Variants in OXR1 observed in about 807,000 individuals in gnomAD.
The protein encoded by OXR1 is oxidation resistance protein 1.
OXR1 carries 41 observed loss-of-function variants against 104.6 expected under a neutral mutation model. The ratio of observed to expected loss-of-function variants is 0.39; its 90% CI spans 0.31 to 0.51. The LOEUF (loss-of-function observed/expected upper bound fraction) is 0.51. Ranked by LOEUF, OXR1 falls within the 20% of genes least tolerant of loss-of-function variation. The probability of loss-of-function intolerance (pLI) is 0.77; values close to 1 mark genes in which losing one functional copy is unlikely to be tolerated. For synonymous variants in OXR1, 348 were observed against 348.4 expected, an observed-to-expected ratio of 1.00 and a Z score of 0.01; for missense variants, 955 against 1,031.9, an observed-to-expected ratio of 0.93 and a Z score of 1.02.
chr8:106,672,834 C>G (rs1827184471), intron 3 of OXR1, among the ~76,000 whole-genome samples: 2 of 152,168 alleles, frequency 1.3e-5, no homozygotes, highest in South Asian at 4.1e-4. Flanking sequence ...TATTCTCCCT[C>G]CTGCCACCTT....
intron 2 of OXR1, among the ~76,000 whole-genome samples, chr8:106,386,651 A>G (rs537693926): frequency 6.6e-6 from 1 of 152,224 alleles, no homozygotes; most frequent in East Asian, 1.9e-4. Context: ...CCCTAAGTCA[A>G]GGGGAAAATG....
At chr8:106,430,052 G>A (rs1819297465) in intron 2 of OXR1, among the ~76,000 whole-genome samples, 1 of 152,056 alleles carries the variant, frequency 6.6e-6, no homozygotes, top group Admixed American at 6.6e-5. Flanking sequence ...TCTGTGTGTT[G>A]TGTGTAGAAC....
chr8:106,499,422 T>A (rs567060936), intron 2 of OXR1, among the ~76,000 whole-genome samples: 2 of 152,200 alleles, frequency 1.3e-5, no homozygotes, highest in Non-Finnish European at 2.9e-5. Flanking sequence ...CCTTCCTCTT[T>A]GTAACCCAAA....
intron 2 of OXR1, among the ~76,000 whole-genome samples, chr8:106,427,131 A>G (rs1819162044): frequency 1.3e-5 from 2 of 152,102 alleles, no homozygotes; most frequent in African/African-American, 2.4e-5. Flanking sequence ...GCAGTTGTGA[A>G]TGATATGGGT....
intron 3 of OXR1, among the ~76,000 whole-genome samples, chr8:106,589,849 T>G (rs1164797313): frequency 6.6e-6 from 1 of 152,136 alleles, no homozygotes; most frequent in Non-Finnish European, 1.5e-5. Flanking sequence ...CTATTTTTAG[T>G]AGAGTCGGCA....
chr8:106,309,741 T>G (rs189483350), intron 1 of OXR1, among the ~76,000 whole-genome samples: 1 of 151,036 alleles, frequency 6.6e-6, no homozygotes, highest in African/African-American at 2.4e-5. Flanking sequence ...ATAGCTTTGC[T>G]GCTTTAAATC....
chr8:106,402,128 C>T (rs1818027674), intron 2 of OXR1, among the ~76,000 whole-genome samples: 2 of 152,166 alleles, frequency 1.3e-5, no homozygotes, highest in South Asian at 4.1e-4. Context: ...GGCACAACAG[C>T]TGCAATTGGA....
At chr8:106,468,395 A>G (rs1302001043) in intron 2 of OXR1, among the ~76,000 whole-genome samples, 3 of 151,856 alleles carry the variant, frequency 2.0e-5, no homozygotes, top group Non-Finnish European at 2.9e-5. Flanking sequence ...AGATAGCTAT[A>G]CATATACTAC....
At chr8:106,281,053 C>A (rs1812259103) in intron 1 of OXR1, among the ~76,000 whole-genome samples, 1 of 152,114 alleles carries the variant, frequency 6.6e-6, no homozygotes, top group Non-Finnish European at 1.5e-5. Context: ...CCAGATTTTT[C>A]TCTCATGTGA....
At chr8:106,526,919 AT>A (rs1586761649) in intron 3 of OXR1, among the ~76,000 whole-genome samples, 1 of 152,052 alleles carries the variant, frequency 6.6e-6, no homozygotes, top group East Asian at 1.9e-4. Flanking sequence ...AAAGATCCTA[AT>A]TTTTTTGATC....
intron 1 of OXR1, among the ~76,000 whole-genome samples, chr8:106,283,659 C>G (rs1812377866): frequency 6.6e-6 from 1 of 152,156 alleles, no homozygotes; most frequent in South Asian, 2.1e-4. Flanking sequence ...GAATTGCTTC[C>G]TCATGAGTCG....
At chr8:106,745,098 TA>T (rs553601991) in intron 15 of OXR1, among the ~76,000 whole-genome samples, 1 of 152,144 alleles carries the variant, frequency 6.6e-6, no homozygotes, top group South Asian at 2.1e-4. Context: ...AAACGAGTGC[TA>T]AAAGAAAGTT....
At chr8:106,425,083 G>GTTTTTT (rs748444311) in intron 2 of OXR1, among the ~76,000 whole-genome samples, 4 of 83,660 alleles carry the variant, frequency 4.8e-5, no homozygotes, top group East Asian at 3.9e-4. Context: ...GTTTGGTTTG[G>GTTTTTT]TTTTTTTTTT....
Position 106,663,811 on chromosome 8 carries a change from C to A in OXR1, c.221-15399C>A, listed in dbSNP as rs552353877. Among the ~76,000 whole-genome samples the A allele has an allele frequency of 2.0e-5, 3 of 152,316 alleles. No individual in the cohort carries two copies. The South Asian group carries it at 6.2e-4, about 32-fold the overall frequency. On this transcript the variant is annotated intron_variant, in intron 3 of 16. Coordinates refer to ENST00000517566, the MANE Select transcript of OXR1 (RefSeq NM_001198533.2). ...TTCATTGAGAAGCCATCTCTCTCCC[C>A]ATCCCCCACCCCTTGCCCACATGTC...
At chr8:106,548,692 C>T (rs1342737830) in intron 3 of OXR1, among the ~76,000 whole-genome samples, 1 of 152,070 alleles carries the variant, frequency 6.6e-6, no homozygotes, top group Non-Finnish European at 1.5e-5. Context: ...TTTAGGAACT[C>T]GATGAAGTAG....
At chr8:106,584,685 A>G (rs1818500002) in intron 3 of OXR1, among the ~76,000 whole-genome samples, 4 of 152,166 alleles carry the variant, frequency 2.6e-5, no homozygotes, top group Admixed American at 2.6e-4. Context: ...AGCCATTTTC[A>G]TATATGCACA....
At chr8:106,399,905 T>A (rs576027839) in intron 2 of OXR1, among the ~76,000 whole-genome samples, 1 of 152,296 alleles carries the variant, frequency 6.6e-6, no homozygotes, top group South Asian at 2.1e-4. Context: ...GTAGAAAATC[T>A]CAGTGCATTT....
intron 2 of OXR1, among the ~76,000 whole-genome samples, chr8:106,430,728 A>T (rs1311473671): frequency 1.3e-5 from 2 of 152,118 alleles, no homozygotes; most frequent in Non-Finnish European, 2.9e-5. Context: ...GATTTCAAGG[A>T]TTTCCTGGCC....
At chr8:106,653,578 G>T (rs1824802907) in intron 3 of OXR1, among the ~76,000 whole-genome samples, 1 of 151,816 alleles carries the variant, frequency 6.6e-6, no homozygotes, top group African/African-American at 2.4e-5. Context: ...TAGAAATTAG[G>T]AATAGAATGG....
Sources: allele counts gnomAD v4.1 joint callset (sites outside exome capture counted in the v4.1 genomes callset), GRCh38; gene constraint gnomAD v4.1.1; transcripts MANE v1.5; gene names NCBI Gene and HGNC (gene_info 2026-07-23, HGNC 2026-07-21).